Variants in ST6GALNAC1 observed in about 807,000 individuals in gnomAD.
ST6GALNAC1 encodes the protein ST6 N-acetylgalactosaminide alpha-2,6-sialyltransferase 1, also known as alpha-N-acetylgalactosaminide alpha-2,6-sialyltransferase 1.
In ST6GALNAC1, 45 loss-of-function variants were observed where a neutral mutation model predicts 56.8. That is an observed-to-expected ratio of 0.79 (90% CI 0.62 to 1.02). The LOEUF (loss-of-function observed/expected upper bound fraction) is 1.02, where lower values mean the gene tolerates loss of function less well. Ranked by LOEUF, ST6GALNAC1 falls within the 50% of genes least tolerant of loss-of-function variation. The pLI, the probability that ST6GALNAC1 is intolerant of heterozygous loss-of-function variation, is 0.00. For synonymous variants in ST6GALNAC1, 295 were observed against 297.8 expected (o/e 0.99, Z 0.10); for missense variants, 743 against 754.8 (o/e 0.98, Z 0.18).
Position 76,627,914 on chromosome 17 carries a change from G to A in ST6GALNAC1, c.832-331C>T, listed in dbSNP as rs371676016. 2.0e-5 allele frequency among the ~76,000 whole-genome samples: 3 copies of A among 151,988 alleles called. No individual in the cohort carries two copies. The highest frequency in any genetic ancestry group is 2.0e-4 in the East Asian group (1 of 5,124). ...AGATCGAGACCATCCTGGCTAACAC[G>A]GTGAAACCCCGTCTCTACTAAAAAT... On this transcript the variant is annotated intron_variant, in intron 2 of 8. Coordinates refer to ENST00000156626, the MANE Select transcript of ST6GALNAC1 (RefSeq NM_018414.5). The surrounding 1 kb of genome is among the most constrained non-coding windows in gnomAD (Gnocchi z 4.4).
chr17:76,626,628 C>T (rs1479644295), intron 5 of ST6GALNAC1, 23 bp downstream of exon 5: 1 of 1,613,798 alleles, frequency 6.2e-7, no homozygotes, highest in Non-Finnish European at 8.5e-7. Flanking sequence ...TGGGTGTGGC[C>T]AGGCTCCTTC....
Position 76,628,997 on chromosome 17 carries a change from G to A in ST6GALNAC1, c.831+15C>T, listed in dbSNP as rs1315608829. ...AGCTGGGAGCCAGAGGGAAGGCGTG[G>A]TGGCAAAAACTCACCGTCTGAAGGC... On this transcript the variant is annotated intron_variant, in intron 2 of 8. Transcript: ENST00000156626. 5.3e-6 allele frequency: 8 copies of A among 1,520,496 alleles called. No homozygotes were observed. The highest frequency in any genetic ancestry group is 7.0e-6 in the Non-Finnish European group (8 of 1,136,188). 94.2% of individuals were successfully genotyped at this position (1,520,496 alleles called of 1,614,324 possible). A position where few individuals can be genotyped will look rare whatever the true frequency, so the allele number is the denominator to read the frequency against.
intron 1 of ST6GALNAC1, among the ~76,000 whole-genome samples, chr17:76,636,734 G>A (rs141979956): frequency 6.6e-5 from 10 of 152,094 alleles, no homozygotes; most frequent in African/African-American, 2.4e-4. Flanking sequence ...GAAGTGAGGA[G>A]CCCCTCTGCC....
chr17:76,621,145 C>A (rs973456438), downstream of ST6GALNAC1, among the ~76,000 whole-genome samples: 3 of 151,908 alleles, frequency 2.0e-5, no homozygotes, highest in Non-Finnish European at 2.9e-5. Flanking sequence ...CGTAACCAAT[C>A]CAGCTGTTTC....
At chr17:76,638,110 C>CTTTT (rs397744489) in intron 1 of ST6GALNAC1, among the ~76,000 whole-genome samples, 5 of 132,798 alleles carry the variant, frequency 3.8e-5, no homozygotes, top group East Asian at 2.2e-4. Flanking sequence ...ACAGCTCACT[C>CTTTT]TTTTTTTTTT....
chr17:76,632,542 G>T (rs1175524938), intron 1 of ST6GALNAC1, among the ~76,000 whole-genome samples: 4 of 152,184 alleles, frequency 2.6e-5, no homozygotes, highest in Non-Finnish European at 4.4e-5. Flanking sequence ...TTTGCAGGAA[G>T]TCACAGCAAT....
At position 76,625,277 on chromosome 17, in the gene ST6GALNAC1, CT is replaced by C; in HGVS notation, c.*52del. 1 of 1,579,398 alleles carries C rather than the reference CT, an allele frequency of 6.3e-7. No homozygotes were observed. Among genetic ancestry groups the C allele is most frequent in the East Asian group, 2.3e-5 (1 of 43,560 alleles). ...TGGCCAAAGAGTCTCAAGATTCCCA[CT>C]GTATCCTGTGCCTTGGAGCAGGCAA... On this transcript the variant is annotated 3_prime_UTR_variant, in exon 9 of 9. Transcript: ENST00000156626.
intron 1 of ST6GALNAC1, 124 bp downstream of exon 1, chr17:76,643,384 T>G (rs2076074021): frequency 6.6e-6 from 7 of 1,060,446 alleles, no homozygotes; most frequent in Non-Finnish European, 9.4e-6. Flanking sequence ...AGAACACTCC[T>G]GACCCCTGAC....
In ST6GALNAC1 at chr17:76,627,893, C is replaced by A. The variant is rs1045409831; in HGVS notation, c.832-310G>T. On this transcript the variant is annotated intron_variant, in intron 2 of 8. Coordinates refer to ENST00000156626, the MANE Select transcript of ST6GALNAC1 (RefSeq NM_018414.5). This position sits in a 1 kb window ranked among gnomAD's most constrained non-coding sequence, Gnocchi z 4.4. Reference sequence around the variant, plus strand: ...CGGGTGGATCACAAGGTCAGGAGATCGAGACCATCCTGGCTAACACGGTGA... The same window carrying A: ...CGGGTGGATCACAAGGTCAGGAGATAGAGACCATCCTGGCTAACACGGTGA... Among the ~76,000 whole-genome samples the A allele has an allele frequency of 1.3e-5, 2 of 151,866 alleles. No homozygotes were observed. The highest frequency in any genetic ancestry group is 2.9e-5 in the Non-Finnish European group (2 of 67,986).
At chr17:76,636,681 CG>C (rs57251521) in intron 1 of ST6GALNAC1, among the ~76,000 whole-genome samples, 25,218 of 152,046 alleles carry the variant, frequency 0.17, 2,777 homozygotes, top group African/African-American at 0.31. Flanking sequence ...GCCGCCGCCC[CG>C]TCTGGGAGGT....
downstream of ST6GALNAC1, among the ~76,000 whole-genome samples, chr17:76,622,960 A>AT (rs550965264): frequency 6.6e-4 from 100 of 152,182 alleles, no homozygotes; most frequent in African/African-American, 2.3e-3. Context: ...GGCCTGGCTA[A>AT]TTTTTTGTAT....
downstream of ST6GALNAC1, among the ~76,000 whole-genome samples, chr17:76,624,009 GAAGT>G (rs2075765009): frequency 6.6e-6 from 1 of 152,178 alleles, no homozygotes; most frequent in Admixed American, 6.5e-5. Context: ...TTTTATTGCT[GAAGT>G]AAGGAGCCTG....
In ST6GALNAC1 at chr17:76,640,717, A is replaced by C. The variant is rs1197156390; in HGVS notation, c.131+2791T>G. 3.3e-5 allele frequency among the ~76,000 whole-genome samples: 5 copies of C among 152,256 alleles called. No individual in the cohort carries two copies. In the East Asian group the frequency reaches 9.6e-4, roughly 29 times the overall value. On this transcript the variant is annotated intron_variant, in intron 1 of 8. Transcript: ENST00000156626. ...AAATGTATATAATATTAGGGTTGGG[A>C]ATGACCTTCCTAAAAATTGCACAAA...
chr17:76,629,357 C>A lies in ST6GALNAC1; in HGVS notation c.486G>T (p.Lys162Asn), dbSNP rs1422063897. The stretch of plus-strand genomic sequence containing the variant: ...TCTGGCCCCCATTTCCTTGGGTCGT[C>A]TTTGTGTCCTGGCTCTTCCATGATT... Reference protein sequence around the residue: ...EAQSWKSQDTKTTQGNGGQTR... With the variant: ...EAQSWKSQDTNTTQGNGGQTR... The change falls in exon 2 of 9, where the codon AAG (lysine) becomes AAT (asparagine). Residue 162 changes from lysine to asparagine, a missense_variant. Coordinates refer to ENST00000156626, the MANE Select transcript of ST6GALNAC1 (RefSeq NM_018414.5). 1.2e-6 allele frequency: 2 copies of A among 1,614,186 alleles called. No individual in the cohort carries two copies. The highest frequency in any genetic ancestry group is 1.7e-6 in the Non-Finnish European group (2 of 1,180,014).
intron 1 of ST6GALNAC1, among the ~76,000 whole-genome samples, chr17:76,631,457 A>C (rs1395612057): frequency 6.6e-6 from 1 of 152,190 alleles, no homozygotes; most frequent in African/African-American, 2.4e-5. Flanking sequence ...TAAGAAAAAG[A>C]AAAGGAAAAA....
intron 1 of ST6GALNAC1, chr17:76,633,456 A>C (rs1233099109): frequency 6.6e-6 from 1 of 152,282 alleles, no homozygotes; most frequent in Non-Finnish European, 1.5e-5. Flanking sequence ...GTTGCGGTGA[A>C]CCGAGATCGT....
chr17:76,621,182 C>CTTTTTTTTTTTTTTT (rs367846650), downstream of ST6GALNAC1, among the ~76,000 whole-genome samples: 2 of 105,326 alleles, frequency 1.9e-5, no homozygotes, highest in Non-Finnish European at 3.6e-5. Flanking sequence ...TTCTTTCTTT[C>CTTTTTTTTTTTTTTT]TTTCTTTTTT....
In ST6GALNAC1 at chr17:76,625,972, C is replaced by A. The variant is rs2075792323; in HGVS notation, c.1505+34G>T. 3 of 1,611,120 alleles carry A rather than the reference C, an allele frequency of 1.9e-6. No individual in the cohort carries two copies. The South Asian group carries it at 3.3e-5, about 18-fold the overall frequency. On this transcript the variant is annotated intron_variant, in intron 7 of 8. Transcript: ENST00000156626. ...CAGGAGGCTGCAAGGATAACAGGGA[C>A]CTGGGCTACGTGTCACGTGCTTTCT...
In ST6GALNAC1 at chr17:76,627,605, CAGGA is replaced by C; in HGVS notation, c.832-26_832-23del. Reference sequence around the variant, plus strand: ...AAGTCTATATACAGGAGGACGAAGTCAGGAAGGGAGAGACCCAGAAAGGCCATCG... The same window carrying C: ...AAGTCTATATACAGGAGGACGAAGTCAGGGAGAGACCCAGAAAGGCCATCG... On this transcript the variant is annotated intron_variant, in intron 2 of 8. Coordinates refer to ENST00000156626, the MANE Select transcript of ST6GALNAC1 (RefSeq NM_018414.5). The surrounding 1 kb of genome is among the most constrained non-coding windows in gnomAD (Gnocchi z 4.4). The C allele has an allele frequency of 6.2e-7, 1 of 1,610,930 alleles. No homozygotes were observed. Among genetic ancestry groups the C allele is most frequent in the Non-Finnish European group, 8.5e-7 (1 of 1,178,444 alleles).
Sources: gnomAD v4.1 joint callset for allele counts (sites outside exome capture counted in the v4.1 genomes callset) on GRCh38, gnomAD v4.1.1 for gene constraint, Gnocchi (gnomAD v3.1) non-coding constraint, MANE v1.5 for transcripts, NCBI Gene and HGNC (gene_info 2026-07-23, HGNC 2026-07-21) for gene names.